Variants in LYPLAL1 observed in about 807,000 individuals in gnomAD.
LYPLAL1 encodes the protein lysophospholipase-like protein 1.
A neutral mutation model predicts 19.7 loss-of-function variants in LYPLAL1; 23 were observed. That is an observed-to-expected ratio of 1.17 (90% confidence interval 0.84 to 1.65). The LOEUF is 1.65. Among genes scored for constraint, LYPLAL1 ranks in the 40% most tolerant of loss-of-function variants. The pLI is 0.00. For missense variants in LYPLAL1, 355 were observed against 279.4 expected, an observed-to-expected ratio of 1.27 and a Z score of -1.93; for synonymous variants, 119 against 96.3, an observed-to-expected ratio of 1.24 and a Z score of -1.38.
the LYPLAL1 span, among the ~76,000 whole-genome samples, chr1:219,383,574 A>G: frequency 6.6e-6 from 1 of 152,230 alleles, no homozygotes; most frequent in African/African-American, 2.4e-5. Context: ...ACAGATGCCT[A>G]TAACCCACAT....
chr1:219,213,500 A>G (rs1034997893), downstream of LYPLAL1, among the ~76,000 whole-genome samples: 36 of 151,846 alleles, frequency 2.4e-4, no homozygotes, highest in Non-Finnish European at 4.1e-4. Flanking sequence ...CTGTACATCA[A>G]TTTGGGGAGA....
chr1:219,200,314 T>TA (rs1307649027), intron 3 of LYPLAL1: 2 of 203,846 alleles, frequency 9.8e-6, no homozygotes, highest in African/African-American at 4.6e-5. Context: ...TCAGTCATTT[T>TA]AGCAAAATTT....
the LYPLAL1 span, among the ~76,000 whole-genome samples, chr1:219,248,190 T>C: frequency 2.0e-5 from 3 of 152,184 alleles, no homozygotes; most frequent in Non-Finnish European, 2.9e-5. Flanking sequence ...ATCTGTTTGA[T>C]GTCGACGAGG....
the LYPLAL1 span, among the ~76,000 whole-genome samples, chr1:219,248,257 T>A: frequency 1.3e-5 from 2 of 152,134 alleles, no homozygotes; most frequent in Admixed American, 6.5e-5. Flanking sequence ...AATATATCAC[T>A]TTATAATAAA....
chr1:219,373,590 C>A, the LYPLAL1 span, among the ~76,000 whole-genome samples: 1 of 152,154 alleles, frequency 6.6e-6, no homozygotes, highest in Non-Finnish European at 1.5e-5. Flanking sequence ...TCTGCCTCAA[C>A]TCTCCTTCAG....
the LYPLAL1 span, among the ~76,000 whole-genome samples, chr1:219,436,764 A>C: frequency 2.0e-5 from 3 of 152,164 alleles, no homozygotes; most frequent in Admixed American, 6.5e-5. Context: ...CTTGTTCTGC[A>C]TTTGTATTAG....
At chr1:219,261,445 T>C in the LYPLAL1 span, among the ~76,000 whole-genome samples, 1 of 152,172 alleles carries the variant, frequency 6.6e-6, no homozygotes, top group African/African-American at 2.4e-5. Flanking sequence ...CTGGAGCTGA[T>C]CCAGCGATAA....
the LYPLAL1 span, among the ~76,000 whole-genome samples, chr1:219,289,405 G>A: frequency 6.6e-5 from 10 of 152,052 alleles, no homozygotes; most frequent in Non-Finnish European, 1.5e-4. Context: ...AGGCTCTGTG[G>A]GGAGTTTTTA....
At chr1:219,174,116 C>G in intron 1 of LYPLAL1, 135 bp downstream of exon 1, 1 of 1,476,732 alleles carries the variant, frequency 6.8e-7, no homozygotes, top group South Asian at 1.3e-5. Flanking sequence ...TCGCCAGCCC[C>G]GGCTGTAGAT....
At chr1:219,374,122 A>G in the LYPLAL1 span, among the ~76,000 whole-genome samples, 2 of 149,520 alleles carry the variant, frequency 1.3e-5, no homozygotes, top group African/African-American at 4.9e-5. Context: ...TACAAATCAC[A>G]TGGTTTTGTG....
the LYPLAL1 span, among the ~76,000 whole-genome samples, chr1:219,240,868 G>T: frequency 6.6e-6 from 1 of 151,572 alleles, no homozygotes; most frequent in Non-Finnish European, 1.5e-5. Flanking sequence ...ATGGAATGTG[G>T]GTACAAATGA....
intron 2 of LYPLAL1, among the ~76,000 whole-genome samples, chr1:219,187,905 A>G (rs1292156294): frequency 1.3e-5 from 2 of 151,800 alleles, no homozygotes; most frequent in Non-Finnish European, 2.9e-5. Context: ...AGTATTAGGT[A>G]TGTTTAAATA....
At chr1:219,375,326 C>T in the LYPLAL1 span, among the ~76,000 whole-genome samples, 2 of 151,660 alleles carry the variant, frequency 1.3e-5, no homozygotes, top group Admixed American at 6.6e-5. Flanking sequence ...ATTAGCTGGG[C>T]GTGGTGGCGC....
chr1:219,342,782 G>A, the LYPLAL1 span, among the ~76,000 whole-genome samples: 1 of 152,318 alleles, frequency 6.6e-6, no homozygotes, highest in East Asian at 1.9e-4. Flanking sequence ...TTAAGTGACT[G>A]AGTTGACTCA....
At chr1:219,354,670 T>C in the LYPLAL1 span, among the ~76,000 whole-genome samples, 1 of 152,218 alleles carries the variant, frequency 6.6e-6, no homozygotes, top group Non-Finnish European at 1.5e-5. Flanking sequence ...CATTATGTAC[T>C]GGCTAACAAA....
the LYPLAL1 span, among the ~76,000 whole-genome samples, chr1:219,312,754 A>AT: frequency 6.6e-6 from 1 of 152,128 alleles, no homozygotes; most frequent in Non-Finnish European, 1.5e-5. Flanking sequence ...TTCAGGTGGT[A>AT]TTGGGCTGAA....
the LYPLAL1 span, among the ~76,000 whole-genome samples, chr1:219,368,128 G>T: frequency 1.3e-5 from 2 of 152,096 alleles, no homozygotes; most frequent in Non-Finnish European, 2.9e-5. Flanking sequence ...TGACAAGGAA[G>T]GTATTCTTTA....
the LYPLAL1 span, among the ~76,000 whole-genome samples, chr1:219,410,678 G>A: frequency 6.6e-6 from 1 of 152,228 alleles, no homozygotes; most frequent in Non-Finnish European, 1.5e-5. Context: ...AACCGGGGCT[G>A]TGTGCGGCAC....
the LYPLAL1 span, among the ~76,000 whole-genome samples, chr1:219,292,631 C>G: frequency 0.013 from 1,943 of 152,304 alleles, 17 homozygotes; most frequent in Non-Finnish European, 0.018. Context: ...AGTCTTGTAG[C>G]TACATCCAGC....
Sources: gnomAD v4.1 joint callset for allele counts (sites outside exome capture counted in the v4.1 genomes callset) on GRCh38, gnomAD v4.1.1 for gene constraint, MANE v1.5 for transcripts, NCBI Gene and HGNC (gene_info 2026-07-23, HGNC 2026-07-21) for gene names.